Variants in RBM20 observed in about 807,000 individuals in gnomAD.
RBM20 encodes RNA-binding protein 20.
A neutral mutation model predicts 110.1 loss-of-function variants in RBM20; 51 were observed. The ratio of observed to expected loss-of-function variants is 0.46; its 90% CI spans 0.37 to 0.59. The LOEUF is 0.59. Ranked by LOEUF, RBM20 falls within the 20% of genes least tolerant of loss-of-function variation. The probability of loss-of-function intolerance (pLI) is 0.00; values close to 1 mark genes in which losing one functional copy is unlikely to be tolerated. For missense variants in RBM20, 1,512 were observed against 1,574.9 expected, an observed-to-expected ratio of 0.96 and a Z score of 0.68; for synonymous variants, 589 against 618.2, an observed-to-expected ratio of 0.95 and a Z score of 0.70.
intron 1 of RBM20, among the ~76,000 whole-genome samples, chr10:110,729,046 G>T (rs1219790136): frequency 1.3e-5 from 2 of 152,184 alleles, no homozygotes; most frequent in Non-Finnish European, 2.9e-5. Flanking sequence ...TTTTAATACT[G>T]TTCGCCGAGA....
chr10:110,687,516 C>T (rs77346770), intron 1 of RBM20, among the ~76,000 whole-genome samples: 2,539 of 152,264 alleles, frequency 0.017, 74 homozygotes, highest in African/African-American at 0.058. Context: ...TAAATCTAAA[C>T]GAGCAAAAAA....
At chr10:110,807,689 G>A (rs1844712797) in intron 7 of RBM20, among the ~76,000 whole-genome samples, 2 of 152,238 alleles carry the variant, frequency 1.3e-5, no homozygotes, top group African/African-American at 2.4e-5. Flanking sequence ...TCCCACGTCG[G>A]TCTTTCCTGG....
intron 1 of RBM20, among the ~76,000 whole-genome samples, chr10:110,686,257 TTTA>T (rs1227716332): frequency 6.6e-6 from 1 of 152,160 alleles, no homozygotes; most frequent in Non-Finnish European, 1.5e-5. Context: ...TTCCTTACTC[TTTA>T]TTATTACTAT....
intron 1 of RBM20, among the ~76,000 whole-genome samples, chr10:110,780,488 C>A (rs541259314): frequency 6.6e-6 from 1 of 152,184 alleles, no homozygotes; most frequent in African/African-American, 2.4e-5. Flanking sequence ...CTATTCTACT[C>A]TCTCTCCAAC....
At chr10:110,769,783 A>G (rs1328399267) in intron 1 of RBM20, among the ~76,000 whole-genome samples, 1 of 151,456 alleles carries the variant, frequency 6.6e-6, no homozygotes, top group Non-Finnish European at 1.5e-5. Context: ...CAGTGTTGGT[A>G]TCATAGCTCA....
intron 1 of RBM20, among the ~76,000 whole-genome samples, chr10:110,653,804 C>A (rs1861984569): frequency 6.6e-6 from 1 of 152,220 alleles, no homozygotes; most frequent in Non-Finnish European, 1.5e-5. Context: ...AATCCTCCTG[C>A]CTCAGCCTCC....
intron 7 of RBM20, among the ~76,000 whole-genome samples, chr10:110,802,252 T>G (rs939810251): frequency 7.2e-5 from 11 of 152,330 alleles, no homozygotes; most frequent in African/African-American, 2.4e-4. Context: ...TGGCTAGGAC[T>G]GGCATTCTGA....
chr10:110,810,801 G>A (rs1204063715), intron 8 of RBM20, among the ~76,000 whole-genome samples: 1 of 150,192 alleles, frequency 6.7e-6, no homozygotes, highest in Non-Finnish European at 1.5e-5. Flanking sequence ...ATGCGTGTGT[G>A]TGTGTGTGTG....
intron 1 of RBM20, among the ~76,000 whole-genome samples, chr10:110,691,449 G>A (rs1484464665): frequency 6.6e-6 from 1 of 152,082 alleles, no homozygotes; most frequent in Admixed American, 6.5e-5. Context: ...TTGTTATTTT[G>A]TTTGTTTTTA....
chr10:110,674,286 G>A (rs548491968), intron 1 of RBM20, among the ~76,000 whole-genome samples: 14 of 152,232 alleles, frequency 9.2e-5, no homozygotes, highest in South Asian at 4.2e-4. Flanking sequence ...ACCTGTACCC[G>A]TATCAGTTCA....
chr10:110,765,887 G>A (rs1225156170), intron 1 of RBM20, among the ~76,000 whole-genome samples: 1 of 152,068 alleles, frequency 6.6e-6, no homozygotes, highest in Non-Finnish European at 1.5e-5. Flanking sequence ...AGGGGAGAGG[G>A]TTAATATGTT....
rs947120934 is a variant in RBM20, at chr10:110,821,786, C to T, written c.3167C>T (p.Ala1056Val). The change falls in exon 11 of 14, where the codon GCC (alanine) becomes GTC (valine). Residue 1056 changes from alanine to valine, a missense_variant. This residue lies in a region of RBM20 where 358 missense variants were observed against 384.2 expected (regional missense o/e 0.93). Coordinates refer to ENST00000369519, the MANE Select transcript of RBM20 (RefSeq NM_001134363.3). The stretch of plus-strand genomic sequence containing the variant: ...TCCCCTAAGCCAGCAGAGGAGAGGG[C>T]CCGGCAGCCAAGCCCATTTGTGGAT... ...MSSPKPAEER[A>V]RQPSPFVDDC... 1 of 1,551,648 alleles carries T rather than the reference C, an allele frequency of 6.4e-7. No individual in the cohort carries two copies. The highest frequency in any genetic ancestry group is 1.4e-5 in the African/African-American group (1 of 73,050).
chr10:110,737,754 G>T (rs1175434466), intron 1 of RBM20, among the ~76,000 whole-genome samples: 1 of 151,980 alleles, frequency 6.6e-6, no homozygotes, highest in African/African-American at 2.4e-5. Flanking sequence ...GTTAGTGTTC[G>T]CGGCTGTGTA....
chr10:110,667,324 T>C (rs758701302), intron 1 of RBM20, among the ~76,000 whole-genome samples: 5 of 152,224 alleles, frequency 3.3e-5, no homozygotes, highest in Non-Finnish European at 7.3e-5. Context: ...CAGCACTTTC[T>C]TGGGGACCTT....
intron 13 of RBM20, among the ~76,000 whole-genome samples, chr10:110,834,697 G>C (rs1409157631): frequency 6.6e-6 from 1 of 152,162 alleles, no homozygotes; most frequent in Non-Finnish European, 1.5e-5. Context: ...CCTGCTGAGG[G>C]ATAGGATTGA....
intron 1 of RBM20, among the ~76,000 whole-genome samples, chr10:110,672,111 G>A (rs1242989464): frequency 6.6e-6 from 1 of 152,158 alleles, no homozygotes; most frequent in Non-Finnish European, 1.5e-5. Context: ...TGGTTTTGAT[G>A]TCTGGCATTG....
chr10:110,796,263 T>G (rs1844548818), intron 5 of RBM20, among the ~76,000 whole-genome samples: 1 of 152,244 alleles, frequency 6.6e-6, no homozygotes. Flanking sequence ...TTTGTCTGTA[T>G]GTGCTGATAT....
intron 1 of RBM20, among the ~76,000 whole-genome samples, chr10:110,741,671 C>T (rs1843726787): frequency 6.6e-6 from 1 of 152,194 alleles, no homozygotes; most frequent in African/African-American, 2.4e-5. Context: ...CTGTGGCAGC[C>T]TGAAATTGTT....
chr10:110,799,047 C>T (rs565069134), intron 6 of RBM20, among the ~76,000 whole-genome samples: 3 of 152,306 alleles, frequency 2.0e-5, no homozygotes, highest in Non-Finnish European at 4.4e-5. Context: ...GAAACATAAT[C>T]GGGAAGTTTT....
Sources: allele counts gnomAD v4.1 joint callset (sites outside exome capture counted in the v4.1 genomes callset), GRCh38; gene constraint gnomAD v4.1.1; regional missense constraint gnomAD v4.1.1; transcripts MANE v1.5; gene names NCBI Gene and HGNC (gene_info 2026-07-23, HGNC 2026-07-21).